Variants in ZFHX3 observed in about 807,000 individuals in gnomAD.
ZFHX3 encodes the protein zinc finger homeobox 3.
A neutral mutation model predicts 279.1 loss-of-function variants in ZFHX3; 42 were observed. The ratio of observed to expected loss-of-function variants is 0.15; its 90% CI spans 0.12 to 0.19. The LOEUF (loss-of-function observed/expected upper bound fraction) is 0.19. Among genes scored for constraint, ZFHX3 ranks in the 10% least tolerant of loss-of-function variants. The pLI, the probability that ZFHX3 is intolerant of heterozygous loss-of-function variation, is 1.00. For synonymous variants in ZFHX3, 2,293 were observed against 1,957.8 expected, an observed-to-expected ratio of 1.17 and a Z score of -4.52; for missense variants, 4,981 against 4,754.0, an observed-to-expected ratio of 1.05 and a Z score of -1.40.
intron 1 of ZFHX3, among the ~76,000 whole-genome samples, chr16:73,000,915 A>G (rs1332172844): frequency 1.3e-5 from 2 of 152,200 alleles, no homozygotes; most frequent in East Asian, 1.9e-4. Flanking sequence ...TGTTCCTGAC[A>G]CTTGAACAAA....
intron 2 of ZFHX3, among the ~76,000 whole-genome samples, chr16:73,638,363 G>A (rs1451166146): frequency 6.6e-6 from 1 of 152,144 alleles, no homozygotes; most frequent in African/African-American, 2.4e-5. Flanking sequence ...GAGCACGAAT[G>A]GAATCAGCCC....
chr16:73,372,034 C>T (rs148268365), intron 3 of ZFHX3, among the ~76,000 whole-genome samples: 2 of 152,176 alleles, frequency 1.3e-5, no homozygotes, highest in Non-Finnish European at 2.9e-5. Context: ...CTTCTATTTC[C>T]AAGAAGTCAA....
chr16:72,867,542 C>G (rs2038051693), intron 4 of ZFHX3, among the ~76,000 whole-genome samples: 1 of 152,186 alleles, frequency 6.6e-6, no homozygotes, highest in Non-Finnish European at 1.5e-5. Flanking sequence ...CGTTAATACC[C>G]TCATGGAGTA....
chr16:73,048,812 T>C (rs1965394770), upstream of ZFHX3, among the ~76,000 whole-genome samples: 3 of 152,304 alleles, frequency 2.0e-5, no homozygotes, highest in South Asian at 4.1e-4. Flanking sequence ...CTGCTCTCCG[T>C]TGAGAGTTTA....
chr16:73,525,809 C>G (rs913078252), intron 2 of ZFHX3, among the ~76,000 whole-genome samples: 2 of 152,194 alleles, frequency 1.3e-5, no homozygotes, highest in African/African-American at 4.8e-5. Flanking sequence ...TAATTTTTCT[C>G]TTAGGAGTTT....
intron 4 of ZFHX3, among the ~76,000 whole-genome samples, chr16:73,287,508 GGTGA>G (rs2014650326): frequency 2.0e-5 from 3 of 146,794 alleles, no homozygotes; most frequent in Non-Finnish European, 3.0e-5. Context: ...GGCTATGTGG[GGTGA>G]TGTGTGCATG....
At chr16:73,375,491 C>G (rs1394004955) in intron 3 of ZFHX3, among the ~76,000 whole-genome samples, 1 of 152,036 alleles carries the variant, frequency 6.6e-6, no homozygotes, top group Non-Finnish European at 1.5e-5. Context: ...CTTTCCAAGC[C>G]TTTTCAGTGA....
chr16:73,263,991 A>C (rs1290562013), intron 4 of ZFHX3, among the ~76,000 whole-genome samples: 5 of 152,080 alleles, frequency 3.3e-5, no homozygotes, highest in African/African-American at 1.2e-4. Flanking sequence ...ACATGGCTAA[A>C]CCCCGTCCCT....
rs116365505 is a variant in ZFHX3 at position 73,430,517 on chromosome 16, C to G, written c.-1291+25486G>C. Among the ~76,000 whole-genome samples, 1,489 of 152,262 alleles carry G rather than the reference C, an allele frequency of 9.8e-3. 26 individuals carry two copies. The highest frequency in any genetic ancestry group is 0.034 in the African/African-American group (1,418 of 41,548). On this transcript the variant is annotated intron_variant, in intron 3 of 17. Transcript: ENST00000641206. ...CAGATCAAAAGAAAATCCCTTTGCACATGGCGCTTCTGCGGGCAGAAGAGA... is the reference window on the plus strand; with the variant it reads ...CAGATCAAAAGAAAATCCCTTTGCAGATGGCGCTTCTGCGGGCAGAAGAGA...
intron 5 of ZFHX3, among the ~76,000 whole-genome samples, chr16:73,225,439 G>T (rs2012563577): frequency 6.6e-6 from 1 of 151,944 alleles, no homozygotes; most frequent in Admixed American, 6.6e-5. Flanking sequence ...AACATAGGGA[G>T]ATCTTGCTGG....
chr16:73,603,147 C>T (rs2052140193), intron 2 of ZFHX3, among the ~76,000 whole-genome samples: 1 of 151,412 alleles, frequency 6.6e-6, no homozygotes, highest in South Asian at 2.1e-4. Flanking sequence ...TAGCCGGGCG[C>T]AGTGGCGGGC....
intron 5 of ZFHX3, among the ~76,000 whole-genome samples, chr16:73,174,918 C>T (rs1348659220): frequency 6.6e-6 from 1 of 150,396 alleles, no homozygotes; most frequent in Non-Finnish European, 1.5e-5. Context: ...CTTGCAATCC[C>T]AGCTACTCGG....
At chr16:73,435,552 A>G (rs888586512) in intron 3 of ZFHX3, among the ~76,000 whole-genome samples, 2 of 152,072 alleles carry the variant, frequency 1.3e-5, no homozygotes, top group Non-Finnish European at 2.9e-5. Flanking sequence ...CTCCGTAGCA[A>G]CTTGTGTCCT....
Position 73,443,026 on chromosome 16 carries a change from C to T in ZFHX3, c.-1291+12977G>A, listed in dbSNP as rs568266323. Among the ~76,000 whole-genome samples the T allele has an allele frequency of 6.6e-5, 10 of 152,288 alleles. No homozygotes were observed. In the South Asian group the frequency reaches 2.1e-3, roughly 32 times the overall value. On this transcript the variant is annotated intron_variant, in intron 3 of 17. Coordinates refer to the ZFHX3 transcript ENST00000641206. The stretch of plus-strand genomic sequence containing the variant: ...ATTGGATTAGGGCCCACCCTAACAA[C>T]TTCATTTTAACTTTATTACCCATTT...
intron 1 of ZFHX3, among the ~76,000 whole-genome samples, chr16:73,877,447 T>C (rs973407854): frequency 6.6e-6 from 1 of 152,240 alleles, no homozygotes; most frequent in African/African-American, 2.4e-5. Flanking sequence ...ATTGGTGATA[T>C]TGAAAAAATA....
At chr16:73,505,393 C>G (rs1287862128) in intron 2 of ZFHX3, among the ~76,000 whole-genome samples, 3 of 152,050 alleles carry the variant, frequency 2.0e-5, no homozygotes, top group Non-Finnish European at 4.4e-5. Context: ...TTCACTTTCT[C>G]TTTAGCTGAT....
chr16:73,314,873 C>T (rs2015406650), intron 4 of ZFHX3, among the ~76,000 whole-genome samples: 2 of 152,242 alleles, frequency 1.3e-5, no homozygotes, highest in Admixed American at 6.5e-5. Flanking sequence ...TTAGAGGCAA[C>T]TGTCTTGTCT....
intron 1 of ZFHX3, among the ~76,000 whole-genome samples, chr16:73,864,183 T>A (rs148058611): frequency 1.3e-5 from 2 of 152,208 alleles, no homozygotes; most frequent in Admixed American, 6.5e-5. Context: ...ACATAACTTA[T>A]CTCAGCAAAC....
At chr16:73,379,818 A>G (rs1175821149) in intron 3 of ZFHX3, among the ~76,000 whole-genome samples, 1 of 152,228 alleles carries the variant, frequency 6.6e-6, no homozygotes, top group Non-Finnish European at 1.5e-5. Context: ...TTCCTGTGCC[A>G]ACTCAGGGGT....
Sources: gnomAD v4.1 joint callset for allele counts (sites outside exome capture counted in the v4.1 genomes callset) on GRCh38, gnomAD v4.1.1 for gene constraint, MANE v1.5 for transcripts, NCBI Gene and HGNC (gene_info 2026-07-23, HGNC 2026-07-21) for gene names.